Variants in NRG3 observed in about 807,000 individuals in gnomAD.
NRG3 encodes pro-neuregulin-3, membrane-bound isoform.
A neutral mutation model predicts 66.9 loss-of-function variants in NRG3; 31 were observed. The ratio of observed to expected loss-of-function variants is 0.46; its 90% CI spans 0.35 to 0.63. The LOEUF (loss-of-function observed/expected upper bound fraction) is 0.63, where lower values mean the gene tolerates loss of function less well. NRG3 is among the 20% of genes least tolerant of loss of function. The probability of loss-of-function intolerance (pLI) is 0.00; values close to 1 mark genes in which losing one functional copy is unlikely to be tolerated. For synonymous variants in NRG3, 393 were observed against 359.4 expected, an observed-to-expected ratio of 1.09 and a Z score of -1.06; for missense variants, 910 against 878.9, an observed-to-expected ratio of 1.04 and a Z score of -0.45.
At chr10:82,730,239 C>A (rs560742156) in intron 2 of NRG3, among the ~76,000 whole-genome samples, 4 of 151,944 alleles carry the variant, frequency 2.6e-5, no homozygotes, top group Non-Finnish European at 5.9e-5. Context: ...TGCCCACCAC[C>A]GTGCCTGGCT....
At chr10:82,134,107 G>T (rs1019893939) in intron 1 of NRG3, among the ~76,000 whole-genome samples, 9 of 150,904 alleles carry the variant, frequency 6.0e-5, no homozygotes, top group Admixed American at 1.3e-4. Context: ...TTTTTGATGG[G>T]GTTGTTTGTT....
At chr10:82,911,196 G>T (rs1345002040) in intron 4 of NRG3, among the ~76,000 whole-genome samples, 1 of 152,062 alleles carries the variant, frequency 6.6e-6, no homozygotes, top group Non-Finnish European at 1.5e-5. Context: ...GTGAATTTTT[G>T]AGTACGTCTA....
intron 1 of NRG3, among the ~76,000 whole-genome samples, chr10:82,121,913 T>C (rs1041841207): frequency 1.3e-5 from 2 of 152,144 alleles, no homozygotes; most frequent in African/African-American, 4.8e-5. Context: ...GCTAGGATTA[T>C]AGGCATGAGC....
chr10:82,132,505 C>CATATATATATATATCAT (rs367993461), intron 1 of NRG3, among the ~76,000 whole-genome samples: 3 of 60,332 alleles, frequency 5.0e-5, no homozygotes, highest in African/African-American at 9.6e-5. Flanking sequence ...ATATATATAT[C>CATATATATATATATCAT]ATATATATAT....
At chr10:82,256,170 C>T (rs1319440576) in intron 1 of NRG3, among the ~76,000 whole-genome samples, 4 of 152,314 alleles carry the variant, frequency 2.6e-5, no homozygotes, top group Middle Eastern at 3.4e-3. Context: ...GATCCACCTG[C>T]CTCGGCCTCC....
chr10:82,521,373 C>A (rs549814311), intron 2 of NRG3, among the ~76,000 whole-genome samples: 1 of 152,102 alleles, frequency 6.6e-6, no homozygotes, highest in South Asian at 2.1e-4. Context: ...GACAGTCTCG[C>A]ACTGTCGCCC....
chr10:82,209,188 C>T (rs2075276561), intron 1 of NRG3, among the ~76,000 whole-genome samples: 1 of 152,164 alleles, frequency 6.6e-6, no homozygotes, highest in South Asian at 2.1e-4. Flanking sequence ...GCTTGGCACA[C>T]AGCTAAAGTT....
chr10:82,544,881 C>A (rs1047029708), intron 2 of NRG3, among the ~76,000 whole-genome samples: 11 of 152,146 alleles, frequency 7.2e-5, no homozygotes, highest in African/African-American at 2.7e-4. Context: ...AACATGAAAC[C>A]AGGAGCTTCA....
intron 2 of NRG3, among the ~76,000 whole-genome samples, chr10:82,695,483 G>A (rs181642582): frequency 3.3e-5 from 5 of 152,060 alleles, no homozygotes; most frequent in Non-Finnish European, 5.9e-5. Context: ...AGAAAAACTG[G>A]ATACAGCTAT....
At chr10:82,442,675 T>G (rs2090491526) in intron 2 of NRG3, among the ~76,000 whole-genome samples, 1 of 151,518 alleles carries the variant, frequency 6.6e-6, no homozygotes, top group Admixed American at 6.6e-5. Flanking sequence ...AGAAAAATAG[T>G]CAGAGTCTAC....
intron 1 of NRG3, among the ~76,000 whole-genome samples, chr10:82,164,873 A>C (rs1480591344): frequency 6.6e-6 from 1 of 152,160 alleles, no homozygotes; most frequent in Non-Finnish European, 1.5e-5. Flanking sequence ...TTCAAGATAT[A>C]AATCAACTAG....
At chr10:82,974,026 C>T in intron 7 of NRG3, 111 bp downstream of exon 7, 3 of 1,234,924 alleles carry the variant, frequency 2.4e-6, no homozygotes, top group Admixed American at 4.0e-5. Context: ...GTTCTTGCTT[C>T]TCCTGTAGTT....
chr10:82,021,096 C>T (rs978117170), intron 1 of NRG3, among the ~76,000 whole-genome samples: 4 of 151,960 alleles, frequency 2.6e-5, no homozygotes, highest in Admixed American at 6.6e-5. Context: ...TTTGAAATGG[C>T]CTTCTTGGCT....
intron 3 of NRG3, among the ~76,000 whole-genome samples, chr10:82,757,835 T>A (rs1405661927): frequency 6.6e-6 from 1 of 152,122 alleles, no homozygotes; most frequent in Non-Finnish European, 1.5e-5. Context: ...TTTTTTTAAA[T>A]TTCTTAACAA....
At chr10:81,957,988 A>G (rs1849998703) in intron 1 of NRG3, among the ~76,000 whole-genome samples, 1 of 152,204 alleles carries the variant, frequency 6.6e-6, no homozygotes, top group Non-Finnish European at 1.5e-5. Flanking sequence ...TATAAGTCTC[A>G]TAGGGTGGCC....
intron 2 of NRG3, among the ~76,000 whole-genome samples, chr10:82,608,184 G>T (rs591879): frequency 0.084 from 12,732 of 152,192 alleles, 615 homozygotes; most frequent in East Asian, 0.15. Flanking sequence ...GAATAACAAT[G>T]TCATTGGATA....
intron 1 of NRG3, among the ~76,000 whole-genome samples, chr10:82,078,499 C>T (rs550292433): frequency 1.3e-5 from 2 of 152,170 alleles, no homozygotes; most frequent in East Asian, 3.9e-4. Flanking sequence ...TACAGGCACC[C>T]GCCACCACAC....
Position 82,060,953 on chromosome 10 carries a change from G to A in NRG3, c.823+184790G>A, listed in dbSNP as rs1233790943. On this transcript the variant is annotated intron_variant, in intron 1 of 8. Coordinates refer to ENST00000372141, the MANE Select transcript of NRG3 (RefSeq NM_001010848.4). The stretch of plus-strand genomic sequence containing the variant: ...GAGTTCAGTCTTTGAGGTCAGGCCT[G>A]TCTGGCTCCCAGGCCCACCACTGCC... 2.0e-5 allele frequency among the ~76,000 whole-genome samples: 3 copies of A among 152,202 alleles called. No homozygotes were observed. In the East Asian group the frequency reaches 5.8e-4, roughly 29 times the overall value.
intron 3 of NRG3, among the ~76,000 whole-genome samples, chr10:82,759,962 C>A (rs1378090195): frequency 6.6e-6 from 1 of 152,026 alleles, no homozygotes. Flanking sequence ...TGAAAATGAG[C>A]TTTAAGGTTA....
Sources: allele counts gnomAD v4.1 joint callset (sites outside exome capture counted in the v4.1 genomes callset), GRCh38; gene constraint gnomAD v4.1.1; transcripts MANE v1.5; gene names NCBI Gene and HGNC (gene_info 2026-07-23, HGNC 2026-07-21).